Variants in MAPT observed in about 807,000 individuals in gnomAD.
MAPT encodes the protein microtubule associated protein tau, also known as microtubule-associated protein tau.
A neutral mutation model predicts 67.9 loss-of-function variants in MAPT; 34 were observed. The ratio of observed to expected loss-of-function variants is 0.50; its 90% CI spans 0.38 to 0.67. The LOEUF is 0.67. Ranked by LOEUF, MAPT falls within the 30% of genes least tolerant of loss-of-function variation. The probability of loss-of-function intolerance (pLI) is 0.00; values close to 1 mark genes in which losing one functional copy is unlikely to be tolerated. For synonymous variants in MAPT, 456 were observed against 464.5 expected (o/e 0.98, Z 0.23); for missense variants, 881 against 1,115.2 (o/e 0.79, Z 2.99).
At chr17:45,981,495 C>A (rs17651483) in intron 4 of MAPT, among the ~76,000 whole-genome samples, 21,652 of 152,186 alleles carry the variant, frequency 0.14, 2,122 homozygotes, top group Non-Finnish European at 0.22. Flanking sequence ...AGGGCCGTCA[C>A]TGTCTGCCGT....
intron 1 of MAPT, among the ~76,000 whole-genome samples, chr17:45,923,249 G>A (rs1447203342): frequency 6.6e-6 from 1 of 152,158 alleles, no homozygotes; most frequent in Admixed American, 6.5e-5. Context: ...ATTTCGATGT[G>A]AATGAGACAA....
At chr17:45,954,513 C>T (rs1418420635) in intron 1 of MAPT, among the ~76,000 whole-genome samples, 1 of 152,110 alleles carries the variant, frequency 6.6e-6, no homozygotes, top group Non-Finnish European at 1.5e-5. Context: ...GTCCTAGCCA[C>T]TCGGGAGACT....
At chr17:46,021,431 C>T (rs916896) in intron 12 of MAPT, among the ~76,000 whole-genome samples, 52,266 of 152,052 alleles carry the variant, frequency 0.34, 9,519 homozygotes, top group South Asian at 0.57. Context: ...CCTCGGGGCA[C>T]TTTAAAGATA....
chr17:45,978,301 A>G (rs1270792752), intron 3 of MAPT, 74 bp from the exon 4 acceptor site: 6 of 1,173,744 alleles, frequency 5.1e-6, no homozygotes, highest in South Asian at 2.4e-5. Flanking sequence ...GCCCGAAGGT[A>G]CAGAGAGCTT....
At chr17:45,999,227 C>T (rs1334761873) in intron 9 of MAPT, 1 of 1,572,248 alleles carries the variant, frequency 6.4e-7, no homozygotes, top group Admixed American at 1.8e-5. Flanking sequence ...TCTTAAAGCC[C>T]CTGTAAACTC....
chr17:46,004,063 G>A (rs144690813), intron 9 of MAPT, among the ~76,000 whole-genome samples: 16 of 150,868 alleles, frequency 1.1e-4, no homozygotes, highest in East Asian at 3.9e-4. Flanking sequence ...TGCCCACCCC[G>A]GGTTAAACTC....
chr17:45,941,713 T>TCCTTCCTTCCTG (rs2067988273), intron 1 of MAPT, among the ~76,000 whole-genome samples: 3 of 110,996 alleles, frequency 2.7e-5, no homozygotes, highest in Admixed American at 9.4e-5. Flanking sequence ...CTGCCTTCCT[T>TCCTTCCTTCCTG]CCTTCCTTCC....
chr17:45,900,993 G>A (rs1436400765), intron 1 of MAPT, among the ~76,000 whole-genome samples: 1 of 152,172 alleles, frequency 6.6e-6, no homozygotes, highest in Non-Finnish European at 1.5e-5. Flanking sequence ...GGGGTCTAAA[G>A]ATCCTGGTGA....
chr17:45,991,604 T>C lies in MAPT; in HGVS notation c.1732+18T>C, dbSNP rs748148658. ...CAGCTCTGGTAAGAAGAACGTTCTC[T>C]TGAATCTTAGAGGAAGCTGAAGCTC... On this transcript the variant is annotated intron_variant, in intron 8 of 12. Transcript: ENST00000262410. 6.8e-6 allele frequency: 11 copies of C among 1,613,994 alleles called. No homozygotes were observed. In the South Asian group the frequency reaches 1.1e-4, roughly 16 times the overall value.
rs368490519 is a variant in MAPT at position 45,978,333 on chromosome 17, G to C, written c.221-42G>C. The C allele has an allele frequency of 3.3e-6, 5 of 1,501,476 alleles. No individual in the cohort carries two copies. In the Admixed American group the frequency reaches 5.0e-5, roughly 15 times the overall value. The allele number at this position is 1,501,476 out of a possible 1,614,324, so 93.0% of individuals were successfully genotyped here. On this transcript the variant is annotated intron_variant, in intron 3 of 12. Coordinates refer to ENST00000262410, the MANE Select transcript of MAPT (RefSeq NM_001377265.1). ...GCTTGGTTTCTAGTAAACAATAACT[G>C]TCTTGCTTTTACCCCCCTTCATTTG... is the stretch of plus-strand genomic sequence containing the variant.
rs778964210 is a variant in MAPT, at chr17:45,983,139, C to G, written c.560C>G (p.Ala187Gly). 2 of 1,590,064 alleles carry G rather than the reference C, an allele frequency of 1.3e-6. No homozygotes were observed. The highest frequency in any genetic ancestry group is 1.7e-6 in the Non-Finnish European group (2 of 1,167,864). Residue 187 changes from alanine (A) to glycine (G), a missense_variant, in exon 5 of 13, where the codon GCC (alanine) becomes GGC (glycine). This residue lies in a region of MAPT where 687 missense variants were observed against 766.1 expected (regional missense o/e 0.90). Coordinates refer to ENST00000262410, the MANE Select transcript of MAPT (RefSeq NM_001377265.1). ...KGGDWAEKGP[A>G]FPKPATTAYL... ...GGGGACTGGGCCGAGAAGGGTCCGG[C>G]CTTTCCGAAGCCCGCCACCACTGCG...
intron 1 of MAPT, among the ~76,000 whole-genome samples, chr17:45,901,140 AC>A (rs1817771558): frequency 6.6e-6 from 1 of 152,212 alleles, no homozygotes; most frequent in Non-Finnish European, 1.5e-5. Context: ...GTTTAAATGT[AC>A]ACACAGAACT....
In MAPT at chr17:45,999,003, C is replaced by T. The variant is rs148281285; in HGVS notation, c.1998+2339C>T. Reference sequence around the variant, plus strand: ...TCTCCTCAAGTCACATAACAAGCAGCACCCACAAGGTGCTCCCTTCCCCCT... The same window carrying T: ...TCTCCTCAAGTCACATAACAAGCAGTACCCACAAGGTGCTCCCTTCCCCCT... On this transcript the variant is annotated intron_variant, in intron 9 of 12. Coordinates refer to ENST00000262410, the MANE Select transcript of MAPT (RefSeq NM_001377265.1). Among the ~76,000 whole-genome samples the T allele has an allele frequency of 5.4e-3, 824 of 152,282 alleles. 7 individuals are homozygous for T. Among genetic ancestry groups the T allele is most frequent in the African/African-American group, 0.018 (740 of 41,538 alleles).
At chr17:45,987,920 C>T (rs1015518264) in intron 6 of MAPT, among the ~76,000 whole-genome samples, 7 of 152,202 alleles carry the variant, frequency 4.6e-5, no homozygotes, top group Non-Finnish European at 1.0e-4. Flanking sequence ...CAGGGAATAC[C>T]AGCCTCATGC....
At chr17:45,966,120 C>G (rs2071052808) in intron 2 of MAPT, among the ~76,000 whole-genome samples, 1 of 152,196 alleles carries the variant, frequency 6.6e-6, no homozygotes, top group Admixed American at 6.5e-5. Context: ...TATTTAGAGG[C>G]AGGGCAGCCT....
chr17:46,025,680 TGA>T lies in MAPT; in HGVS notation c.*1512_*1513del, dbSNP rs900946653. ...TTGACATGGAGAGAGCCCTTTCCCC[TGA>T]GAAGGCCTGGCCCCTTCCTGTGCTG... On this transcript the variant is annotated 3_prime_UTR_variant, in exon 13 of 13. Coordinates refer to ENST00000262410, the MANE Select transcript of MAPT (RefSeq NM_001377265.1). 3 of 152,432 alleles carry T rather than the reference TGA, an allele frequency of 2.0e-5. No individual in the cohort carries two copies. Among genetic ancestry groups the T allele is most frequent in the African/African-American group, 7.2e-5 (3 of 41,450 alleles). 9.4% of individuals were successfully genotyped at this position (152,432 alleles called of 1,614,324 possible).
intron 1 of MAPT, among the ~76,000 whole-genome samples, chr17:45,923,000 G>A (rs1332525146): frequency 6.6e-6 from 1 of 152,214 alleles, no homozygotes; most frequent in Non-Finnish European, 1.5e-5. Flanking sequence ...CTCATCTTGT[G>A]TCTTCTTCTG....
At chr17:45,967,536 G>A (rs1259394240) in intron 2 of MAPT, among the ~76,000 whole-genome samples, 1 of 152,230 alleles carries the variant, frequency 6.6e-6, no homozygotes, top group African/African-American at 2.4e-5. Flanking sequence ...GTTCATGCTG[G>A]AAGCTTGTTC....
chr17:46,027,991 C>T lies in MAPT; in HGVS notation c.*3820C>T, dbSNP rs2076889607. On this transcript the variant is annotated 3_prime_UTR_variant, in exon 13 of 13. Transcript: ENST00000262410. ...TAAAGCCACGAGGTCGGGGCGAGGG[C>T]AGAGGTGATCACCTGCGTGTCCCAT... The T allele has an allele frequency of 1.3e-5, 2 of 154,614 alleles. No individual in the cohort carries two copies. Among genetic ancestry groups the T allele is most frequent in the African/African-American group, 4.8e-5 (2 of 41,488 alleles). The allele number at this position is 154,614 out of a possible 1,614,324, so 9.6% of individuals were successfully genotyped here.
Sources: allele counts gnomAD v4.1 joint callset (sites outside exome capture counted in the v4.1 genomes callset), GRCh38; gene constraint gnomAD v4.1.1; regional missense constraint gnomAD v4.1.1; transcripts MANE v1.5; gene names NCBI Gene and HGNC (gene_info 2026-07-23, HGNC 2026-07-21).